PCDHGA4: variants seen among roughly 807,000 people sequenced by gnomAD.
PCDHGA4 encodes the protein protocadherin gamma-A4.
In PCDHGA4, 38 loss-of-function variants were observed where a neutral mutation model predicts 54.6. The ratio of observed to expected loss-of-function variants is 0.70; its 90% confidence interval spans 0.54 to 0.91. The LOEUF (loss-of-function observed/expected upper bound fraction) is 0.91, where lower values mean the gene tolerates loss of function less well. Ranked by LOEUF, PCDHGA4 falls within the 40% of genes least tolerant of loss-of-function variation. The pLI, the probability that PCDHGA4 is intolerant of heterozygous loss-of-function variation, is 0.00. For missense variants in PCDHGA4, 1,298 were observed against 1,220.9 expected (o/e 1.06, Z -0.94); for synonymous variants, 511 against 512.9 (o/e 1.00, Z 0.05).
chr5:141,362,094 A>T, intron 1 of PCDHGA4: 4 of 1,613,384 alleles, frequency 2.5e-6, no homozygotes, highest in Non-Finnish European at 3.4e-6. Flanking sequence ...GACAGCCGCC[A>T]CTCTCCGCTA....
At chr5:141,390,596 C>T (rs2092187528) in intron 1 of PCDHGA4, 1 of 329,834 alleles carries the variant, frequency 3.0e-6, no homozygotes. Context: ...GAGATTTTTC[C>T]TATACATTTT....
chr5:141,374,196 A>T, intron 1 of PCDHGA4: 1 of 1,613,838 alleles, frequency 6.2e-7, no homozygotes, highest in Non-Finnish European at 8.5e-7. Flanking sequence ...ATTCCCGAGG[A>T]GCTGGAGAAA....
chr5:141,381,725 G>T (rs568567698), intron 1 of PCDHGA4, among the ~76,000 whole-genome samples: 1 of 151,768 alleles, frequency 6.6e-6, no homozygotes, highest in Admixed American at 6.6e-5. Flanking sequence ...AAGACTGGGA[G>T]TGAGAATATT....
rs2099637746 is a variant in PCDHGA4, at chr5:141,486,980, A to G, written c.2515-7827A>G. Reference sequence around the variant, plus strand: ...TGCTGTGGACTTGGATTCAGGTTACAATGCTTGGGTTTCCTATCAGCTCCT... The same window carrying G: ...TGCTGTGGACTTGGATTCAGGTTACGATGCTTGGGTTTCCTATCAGCTCCT... On this transcript the variant is annotated intron_variant, in intron 1 of 3. Coordinates refer to ENST00000571252, the MANE Select transcript of PCDHGA4 (RefSeq NM_018917.4). This position sits in a 1 kb window ranked among gnomAD's most constrained non-coding sequence, Gnocchi z 5.0. The G allele has an allele frequency of 1.2e-6, 2 of 1,614,040 alleles. No individual in the cohort carries two copies. The highest frequency in any genetic ancestry group is 1.3e-5 in the African/African-American group (1 of 74,908).
Position 141,478,120 on chromosome 5 carries a change from G to A in PCDHGA4, c.2515-16687G>A, listed in dbSNP as rs772548778. 3.1e-6 allele frequency: 5 copies of A among 1,613,948 alleles called. No homozygotes were observed. In the Admixed American group the frequency reaches 6.7e-5, roughly 22 times the overall value. ...CTACCCTCACTGTGTCAGTAACCGA[G>A]GACTCTCCTGAAGCCCGAGCCGAGT... On this transcript the variant is annotated intron_variant, in intron 1 of 3. Coordinates refer to ENST00000571252, the MANE Select transcript of PCDHGA4 (RefSeq NM_018917.4).
At position 141,491,196 on chromosome 5, in the gene PCDHGA4, T is replaced by C. The variant is rs899789155; in HGVS notation, c.2515-3611T>C. ...TGGTGGTCCTGGTGAGGGACAATGGTGACCCTTCACTCTCCTCCACAGCCA... is the reference window on the plus strand; with the variant it reads ...TGGTGGTCCTGGTGAGGGACAATGGCGACCCTTCACTCTCCTCCACAGCCA... On this transcript the variant is annotated intron_variant, in intron 1 of 3. Transcript: ENST00000571252. The surrounding 1 kb of genome is among the most constrained non-coding windows in gnomAD (Gnocchi z 6.9). The C allele has an allele frequency of 6.8e-6, 11 of 1,614,186 alleles. No homozygotes were observed. The highest frequency in any genetic ancestry group is 9.3e-6 in the Non-Finnish European group (11 of 1,180,030).
At chr5:141,408,412 G>A in intron 1 of PCDHGA4, 2 of 1,614,052 alleles carry the variant, frequency 1.2e-6, no homozygotes, top group South Asian at 1.1e-5. Flanking sequence ...GAGTGAGCGC[G>A]GAGAAGCTGC....
intron 1 of PCDHGA4, among the ~76,000 whole-genome samples, chr5:141,457,694 C>G (rs891323419): frequency 6.6e-6 from 1 of 152,214 alleles, no homozygotes; most frequent in Non-Finnish European, 1.5e-5. Flanking sequence ...TTTGGATTGG[C>G]TTTGATGAAA....
chr5:141,413,385 A>C, intron 1 of PCDHGA4: 1 of 1,613,990 alleles, frequency 6.2e-7, no homozygotes, highest in South Asian at 1.1e-5. Flanking sequence ...GAGTCCGCAT[A>C]GTCTCCAGAG....
intron 1 of PCDHGA4, chr5:141,393,311 C>T: frequency 6.2e-7 from 1 of 1,613,484 alleles, no homozygotes; most frequent in Non-Finnish European, 8.5e-7. Context: ...GCGTGAACTC[C>T]CTCCAGAGCT....
At chr5:141,466,545 T>C (rs2099124777) in intron 1 of PCDHGA4, among the ~76,000 whole-genome samples, 1 of 152,216 alleles carries the variant, frequency 6.6e-6, no homozygotes. Flanking sequence ...AGATGGTCTT[T>C]TGCTGTGGGC....
At chr5:141,366,150 G>A in intron 1 of PCDHGA4, 2 of 1,614,136 alleles carry the variant, frequency 1.2e-6, no homozygotes, top group Non-Finnish European at 1.7e-6. Flanking sequence ...CTGTCCTACC[G>A]CCTGCTTAAG....
At chr5:141,369,412 A>G (rs1250548281) in intron 1 of PCDHGA4, among the ~76,000 whole-genome samples, 1 of 152,168 alleles carries the variant, frequency 6.6e-6, no homozygotes, top group Non-Finnish European at 1.5e-5. Context: ...CATGACTATA[A>G]TCCCAGCAAT....
At chr5:141,413,990 A>G (rs1179968710) in intron 1 of PCDHGA4, 6 of 1,613,434 alleles carry the variant, frequency 3.7e-6, no homozygotes, top group Admixed American at 1.7e-5. Context: ...ACAGCCACCG[A>G]CAGGGACGAA....
At chr5:141,366,325 C>G (rs1401034838) in intron 1 of PCDHGA4, 1 of 1,613,826 alleles carries the variant, frequency 6.2e-7, no homozygotes, top group East Asian at 2.2e-5. Flanking sequence ...TTGCCGTGGC[C>G]GACAGGATCC....
At chr5:141,372,841 T>C (rs887025706) in intron 1 of PCDHGA4, 1 of 1,514,832 alleles carries the variant, frequency 6.6e-7, no homozygotes. Flanking sequence ...CTTCCATAAA[T>C]ATAATTGGGT....
rs926566427 is a variant in PCDHGA4, at chr5:141,505,127, A to T, written c.2574-266A>T. Among the ~76,000 whole-genome samples, 9 of 152,158 alleles carry T rather than the reference A, an allele frequency of 5.9e-5. No homozygotes were observed. The East Asian group carries it at 1.5e-3, about 26-fold the overall frequency. The stretch of plus-strand genomic sequence containing the variant: ...CAATGAGCCAAGATCGCGCCACTGC[A>T]CTCCAGCCTGGATGACAGAGTAAGA... On this transcript the variant is annotated intron_variant, in intron 2 of 3. Transcript: ENST00000571252.
At chr5:141,407,534 A>T (rs72790039) in intron 1 of PCDHGA4, among the ~76,000 whole-genome samples, 1 of 149,478 alleles carries the variant, frequency 6.7e-6, no homozygotes, top group Non-Finnish European at 1.5e-5. Flanking sequence ...CTTATTGTGC[A>T]TTGGTAACAG....
At chr5:141,369,035 T>C (rs1765998324) in intron 1 of PCDHGA4, among the ~76,000 whole-genome samples, 1 of 152,204 alleles carries the variant, frequency 6.6e-6, no homozygotes. Context: ...TGCCTAGTTT[T>C]AGAGTAACAA....
Sources: gnomAD v4.1 joint callset for allele counts (sites outside exome capture counted in the v4.1 genomes callset) on GRCh38, gnomAD v4.1.1 for gene constraint, Gnocchi (gnomAD v3.1) non-coding constraint, MANE v1.5 for transcripts, NCBI Gene and HGNC (gene_info 2026-07-23, HGNC 2026-07-21) for gene names.